Variants in LRRC4C observed in about 807,000 individuals in gnomAD.
The protein encoded by LRRC4C is leucine rich repeat containing 4C.
LRRC4C carries 5 observed loss-of-function variants against 33.6 expected under a neutral mutation model. That is an observed-to-expected ratio of 0.15 (90% confidence interval 0.08 to 0.31). The LOEUF is 0.31. LRRC4C is among the 10% of genes least tolerant of loss of function. The probability of loss-of-function intolerance (pLI) is 1.00; values close to 1 mark genes in which losing one functional copy is unlikely to be tolerated. For missense variants in LRRC4C, 560 were observed against 796.7 expected (o/e 0.70, Z 3.58); for synonymous variants, 329 against 302.0 (o/e 1.09, Z -0.93).
chr11:41,058,259 G>A (rs766317714), intron 1 of LRRC4C, among the ~76,000 whole-genome samples: 7 of 152,214 alleles, frequency 4.6e-5, no homozygotes, highest in African/African-American at 1.2e-4. Flanking sequence ...AGGAACCACC[G>A]TGTTCCCCAG....
intron 1 of LRRC4C, among the ~76,000 whole-genome samples, chr11:41,373,113 T>C (rs1277444738): frequency 6.6e-6 from 1 of 152,136 alleles, no homozygotes; most frequent in African/African-American, 2.4e-5. Flanking sequence ...GGTAATATAC[T>C]AGACATTAGG....
At chr11:41,214,795 G>GTATA (rs1156725555) in intron 1 of LRRC4C, among the ~76,000 whole-genome samples, 1 of 142,530 alleles carries the variant, frequency 7.0e-6, no homozygotes, top group South Asian at 2.2e-4. Flanking sequence ...ATATATGTGT[G>GTATA]TATATATATG....
At chr11:40,276,652 G>A (rs895756009) in intron 4 of LRRC4C, among the ~76,000 whole-genome samples, 2 of 149,514 alleles carry the variant, frequency 1.3e-5, no homozygotes, top group Admixed American at 6.7e-5. Flanking sequence ...TTCAGGACCC[G>A]GAGATAAATT....
chr11:41,242,717 AC>A (rs1948302566), intron 1 of LRRC4C, among the ~76,000 whole-genome samples: 1 of 152,048 alleles, frequency 6.6e-6, no homozygotes, highest in South Asian at 2.1e-4. Flanking sequence ...CCTTAAAATC[AC>A]CTTAGGAGTT....
chr11:41,424,779 T>G (rs1464369026), intron 1 of LRRC4C, among the ~76,000 whole-genome samples: 1 of 152,106 alleles, frequency 6.6e-6, no homozygotes, highest in Non-Finnish European at 1.5e-5. Flanking sequence ...AAAGCTATCT[T>G]GAGAGTCTTT....
At chr11:40,911,327 G>A (rs573553570) in intron 2 of LRRC4C, among the ~76,000 whole-genome samples, 17 of 152,204 alleles carry the variant, frequency 1.1e-4, no homozygotes, top group Non-Finnish European at 2.1e-4. Flanking sequence ...TCACACAGCC[G>A]AGTACTCCTC....
chr11:41,032,927 G>A (rs1004575105), intron 1 of LRRC4C, among the ~76,000 whole-genome samples: 3 of 151,930 alleles, frequency 2.0e-5, no homozygotes, highest in Non-Finnish European at 4.4e-5. Context: ...TTCATAAAAA[G>A]CATCATTTTC....
At chr11:40,255,272 C>A (rs1590832171) in intron 4 of LRRC4C, among the ~76,000 whole-genome samples, 1 of 152,176 alleles carries the variant, frequency 6.6e-6, no homozygotes, top group East Asian at 1.9e-4. Context: ...GGATGTGCCA[C>A]AAAGCCACCT....
Position 40,124,666 on chromosome 11 carries a change from G to C in LRRC4C, c.-42-8332C>G, listed in dbSNP as rs546364080. ...TGGTTATCAGAGACTGGGAAGCATA[G>C]TTGGATGTGGGGAGGCAAAGGAGGG... On this transcript the variant is annotated intron_variant, in intron 6 of 6. Transcript: ENST00000528697. Among the ~76,000 whole-genome samples, 40 of 152,290 alleles carry C rather than the reference G, an allele frequency of 2.6e-4. No individual in the cohort carries two copies. In the South Asian group the frequency reaches 7.3e-3, roughly 28 times the overall value.
intron 5 of LRRC4C, among the ~76,000 whole-genome samples, chr11:40,209,887 T>A (rs1350673915): frequency 2.0e-5 from 3 of 152,168 alleles, no homozygotes; most frequent in Non-Finnish European, 4.4e-5. Context: ...CAGATGCAGT[T>A]AATTATTTCA....
At chr11:41,025,691 G>A (rs1456478113) in intron 1 of LRRC4C, among the ~76,000 whole-genome samples, 1 of 151,726 alleles carries the variant, frequency 6.6e-6, no homozygotes, top group East Asian at 1.9e-4. Context: ...ATCTGGCTAA[G>A]ATAATTGACA....
At chr11:40,585,261 TAG>T (rs558797073) in intron 3 of LRRC4C, among the ~76,000 whole-genome samples, 224 of 152,270 alleles carry the variant, frequency 1.5e-3, no homozygotes, top group African/African-American at 5.2e-3. Context: ...GAAGACTAGA[TAG>T]CTTCCTCTGC....
chr11:41,102,731 T>C (rs1378202933), intron 1 of LRRC4C, among the ~76,000 whole-genome samples: 1 of 152,034 alleles, frequency 6.6e-6, no homozygotes, highest in Non-Finnish European at 1.5e-5. Context: ...GCAGAGGAAG[T>C]GCGCTCACTG....
At position 41,442,760 on chromosome 11, in the gene LRRC4C, C is replaced by T. The variant is rs963438738; in HGVS notation, c.-496+16671G>A. On this transcript the variant is annotated intron_variant, in intron 1 of 6. Coordinates refer to ENST00000528697, the MANE Select transcript of LRRC4C (RefSeq NM_001258419.2). The stretch of plus-strand genomic sequence containing the variant: ...CTGGGATTACAGGCGTGAGCCACCG[C>T]GCCCGGCCTGTTGCTTCTTTCTTGC... Among the ~76,000 whole-genome samples the T allele has an allele frequency of 1.3e-4, 20 of 152,086 alleles. No homozygotes were observed. In the South Asian group the frequency reaches 3.5e-3, roughly 27 times the overall value.
chr11:41,003,510 A>T (rs1233838628), intron 1 of LRRC4C, among the ~76,000 whole-genome samples: 1 of 150,560 alleles, frequency 6.6e-6, no homozygotes, highest in Non-Finnish European at 1.5e-5. Flanking sequence ...GTTATTTGAG[A>T]TCCATTTGAG....
At chr11:40,402,354 G>A (rs909465484) in intron 3 of LRRC4C, among the ~76,000 whole-genome samples, 12 of 152,042 alleles carry the variant, frequency 7.9e-5, no homozygotes, top group African/African-American at 2.9e-4. Context: ...TTTTCAAAAT[G>A]ATTTATTCAA....
chr11:40,714,315 G>A, intron 2 of LRRC4C, among the ~76,000 whole-genome samples: 1 of 152,278 alleles, frequency 6.6e-6, no homozygotes, highest in South Asian at 2.1e-4. Context: ...TTAACTTTTA[G>A]GGTGGCTTTT....
At chr11:40,481,656 C>A (rs1437035228) in intron 3 of LRRC4C, among the ~76,000 whole-genome samples, 1 of 152,008 alleles carries the variant, frequency 6.6e-6, no homozygotes, top group African/African-American at 2.4e-5. Context: ...ATTAATTCAA[C>A]ACTTCCATTT....
intron 3 of LRRC4C, among the ~76,000 whole-genome samples, chr11:40,321,437 A>G (rs985606): frequency 0.95 from 144,024 of 152,268 alleles, 68,641 homozygotes; most frequent in East Asian, 1. Flanking sequence ...ATCTCTCTAC[A>G]TTACTGTACA....
Sources: allele counts gnomAD v4.1 joint callset (sites outside exome capture counted in the v4.1 genomes callset), GRCh38; gene constraint gnomAD v4.1.1; transcripts MANE v1.5; gene names NCBI Gene and HGNC (gene_info 2026-07-23, HGNC 2026-07-21).